Variants in PLEKHA5 observed in about 807,000 individuals in gnomAD.
PLEKHA5 encodes the protein pleckstrin homology domain-containing family A member 5.
A neutral mutation model predicts 181.9 loss-of-function variants in PLEKHA5; 55 were observed. The observed-to-expected ratio is 0.30, with a 90% CI of 0.24 to 0.38. The LOEUF is 0.38. Ranked by LOEUF, PLEKHA5 falls within the 10% of genes least tolerant of loss-of-function variation. The pLI, the probability that PLEKHA5 is intolerant of heterozygous loss-of-function variation, is 1.00. For missense variants in PLEKHA5, 1,432 were observed against 1,549.5 expected (o/e 0.92, Z 1.27); for synonymous variants, 535 against 529.4 (o/e 1.01, Z -0.15).
chr12:19,340,403 C>A (rs1489992928), intron 21 of PLEKHA5, among the ~76,000 whole-genome samples: 1 of 134,324 alleles, frequency 7.4e-6, no homozygotes, highest in Non-Finnish European at 1.7e-5. Flanking sequence ...CCGCCCCGTC[C>A]GGGAGGTGAG....
chr12:19,215,372 GTAAC>G (rs1384287916), intron 3 of PLEKHA5, among the ~76,000 whole-genome samples: 1 of 152,042 alleles, frequency 6.6e-6, no homozygotes, highest in African/African-American at 2.4e-5. Flanking sequence ...CAGACGCTGA[GTAAC>G]TATTTATTGA....
intron 29 of PLEKHA5, among the ~76,000 whole-genome samples, chr12:19,362,695 G>A (rs1194337696): frequency 6.6e-6 from 1 of 152,104 alleles, no homozygotes; most frequent in Non-Finnish European, 1.5e-5. Flanking sequence ...GGGAGGTCAA[G>A]GCTGCAGTGA....
At chr12:19,350,516 A>G (rs567736796) in intron 25 of PLEKHA5, among the ~76,000 whole-genome samples, 2 of 152,356 alleles carry the variant, frequency 1.3e-5, no homozygotes, top group African/African-American at 4.8e-5. Context: ...CCTATCTATA[A>G]TCCCAGCATT....
intron 3 of PLEKHA5, among the ~76,000 whole-genome samples, chr12:19,211,522 C>T (rs538673511): frequency 2.0e-5 from 3 of 152,150 alleles, no homozygotes; most frequent in East Asian, 1.9e-4. Context: ...TTCTCCTTTA[C>T]GGCCTATGGA....
chr12:19,339,977 A>G (rs750996610), intron 21 of PLEKHA5, among the ~76,000 whole-genome samples: 3 of 152,210 alleles, frequency 2.0e-5, no homozygotes, highest in Non-Finnish European at 2.9e-5. Context: ...AAATAGACCA[A>G]TGGAACAGAA....
At chr12:19,229,536 C>A (rs530262450) in intron 3 of PLEKHA5, among the ~76,000 whole-genome samples, 1 of 151,938 alleles carries the variant, frequency 6.6e-6, no homozygotes, top group South Asian at 2.1e-4. Flanking sequence ...TCATTCCTCC[C>A]GGTGGGTTTG....
chr12:19,355,822 A>G (rs915526429), intron 26 of PLEKHA5, among the ~76,000 whole-genome samples: 4 of 152,044 alleles, frequency 2.6e-5, no homozygotes, highest in African/African-American at 9.7e-5. Context: ...TGGTAAAGCT[A>G]AAATAACAAG....
Position 19,274,835 on chromosome 12 carries a change from C to A in PLEKHA5, c.1165C>A (p.Leu389Met), listed in dbSNP as rs759427357. 6.2e-7 allele frequency: 1 copy of A among 1,614,026 alleles called. No homozygotes were observed. The highest frequency in any genetic ancestry group is 1.1e-5 in the South Asian group (1 of 91,082). The change falls in exon 11 of 32, where the codon CTG (leucine) becomes ATG (methionine). Residue 389 changes from leucine to methionine, a missense_variant. Physicochemically the swap from Leu to Met is conservative, Grantham distance 15. Transcript: ENST00000429027. ...SSENKIVNVSLADLRGGNRPN... is the reference protein window; with the variant it reads ...SSENKIVNVSMADLRGGNRPN... ...AGAGAACAAAATAGTCAATGTTAGC[C>A]TGGCAGATCTTAGAGGTGGAAATCG...
At chr12:19,305,275 T>G (rs1477558611) in intron 15 of PLEKHA5, among the ~76,000 whole-genome samples, 2 of 152,014 alleles carry the variant, frequency 1.3e-5, no homozygotes, top group African/African-American at 2.4e-5. Flanking sequence ...ATCAAGTTAT[T>G]CAATAGGTGG....
At chr12:19,207,514 C>T (rs1229953665) in intron 3 of PLEKHA5, 1 of 152,152 alleles carries the variant, frequency 6.6e-6, no homozygotes, top group African/African-American at 2.4e-5. Context: ...TTAAGGAACA[C>T]TTATTTCCTT....
intron 3 of PLEKHA5, among the ~76,000 whole-genome samples, chr12:19,189,038 T>A (rs1831769342): frequency 6.6e-6 from 1 of 152,180 alleles, no homozygotes; most frequent in South Asian, 2.1e-4. Context: ...CACAGGTCAA[T>A]AAAGTGTGTT....
intron 3 of PLEKHA5, among the ~76,000 whole-genome samples, chr12:19,246,141 G>T (rs1321618198): frequency 6.6e-6 from 1 of 151,086 alleles, no homozygotes; most frequent in Non-Finnish European, 1.5e-5. Flanking sequence ...ACCACACCCG[G>T]TTAACTTTTT....
At chr12:19,211,207 C>A (rs370916484) in intron 3 of PLEKHA5, among the ~76,000 whole-genome samples, 11 of 152,196 alleles carry the variant, frequency 7.2e-5, no homozygotes, top group East Asian at 3.9e-4. Context: ...CATACCCTGC[C>A]CCCACCAAGT....
At chr12:19,197,171 C>T (rs1371350378) in intron 3 of PLEKHA5, among the ~76,000 whole-genome samples, 1 of 152,124 alleles carries the variant, frequency 6.6e-6, no homozygotes, top group African/African-American at 2.4e-5. Context: ...AGCCTTAACA[C>T]CCTTTTCTCC....
At chr12:19,228,761 C>G (rs908788859) in intron 3 of PLEKHA5, among the ~76,000 whole-genome samples, 1 of 152,122 alleles carries the variant, frequency 6.6e-6, no homozygotes, top group African/African-American at 2.4e-5. Context: ...CCTAGACATT[C>G]TCTTTTTTTC....
chr12:19,183,373 C>T (rs371444103), intron 3 of PLEKHA5, among the ~76,000 whole-genome samples: 2 of 152,274 alleles, frequency 1.3e-5, no homozygotes, highest in South Asian at 2.1e-4. Context: ...CTTTCATGAG[C>T]ACCAAATGTG....
At chr12:19,305,289 G>A (rs1196206152) in intron 15 of PLEKHA5, among the ~76,000 whole-genome samples, 1 of 152,208 alleles carries the variant, frequency 6.6e-6, no homozygotes. Context: ...TAGGTGGGGT[G>A]CAGTGGCTCA....
chr12:19,202,126 T>C (rs2054337733), intron 3 of PLEKHA5: 1 of 411,796 alleles, frequency 2.4e-6, no homozygotes, highest in African/African-American at 2.2e-5. Context: ...TAGTTTTGCC[T>C]GCTGAGTTCA....
At chr12:19,258,854 C>T (rs966620434) in intron 6 of PLEKHA5, among the ~76,000 whole-genome samples, 2 of 152,090 alleles carry the variant, frequency 1.3e-5, no homozygotes, top group African/African-American at 2.4e-5. Flanking sequence ...CGTGAGCCAC[C>T]ACACCCAGCC....
Sources: gnomAD v4.1 joint callset for allele counts (sites outside exome capture counted in the v4.1 genomes callset) on GRCh38, gnomAD v4.1.1 for gene constraint, MANE v1.5 for transcripts, NCBI Gene and HGNC (gene_info 2026-07-23, HGNC 2026-07-21) for gene names.